Variants in DLGAP1 observed in about 807,000 individuals in gnomAD.
DLGAP1 encodes the protein DLG associated protein 1.
DLGAP1 carries 11 observed loss-of-function variants against 90.8 expected under a neutral mutation model. That is an observed-to-expected ratio of 0.12 (90% CI 0.08 to 0.20). DLGAP1 has a LOEUF of 0.20. Among genes scored for constraint, DLGAP1 ranks in the 10% least tolerant of loss-of-function variants. The probability of loss-of-function intolerance (pLI) is 1.00; values close to 1 mark genes in which losing one functional copy is unlikely to be tolerated. For synonymous variants in DLGAP1, 558 were observed against 540.7 expected, an observed-to-expected ratio of 1.03 and a Z score of -0.44; for missense variants, 1,050 against 1,333.8, an observed-to-expected ratio of 0.79 and a Z score of 3.31.
chr18:3,726,552 T>A (rs1012167266), intron 7 of DLGAP1, among the ~76,000 whole-genome samples: 1 of 152,108 alleles, frequency 6.6e-6, no homozygotes, highest in African/African-American at 2.4e-5. Flanking sequence ...AAAGAATTTT[T>A]AAAGAACAAA....
intron 2 of DLGAP1, among the ~76,000 whole-genome samples, chr18:4,010,728 A>C (rs1449887575): frequency 6.6e-6 from 1 of 152,126 alleles, no homozygotes; most frequent in Admixed American, 6.6e-5. Context: ...CTATTCTCAT[A>C]AGAATGGAGG....
intron 1 of DLGAP1, among the ~76,000 whole-genome samples, chr18:4,351,665 A>G (rs1002677176): frequency 2.0e-5 from 3 of 152,200 alleles, no homozygotes; most frequent in African/African-American, 7.2e-5. Context: ...TCCAACATAG[A>G]TAAATCTGAG....
chr18:3,681,506 G>A (rs578046305), intron 7 of DLGAP1, among the ~76,000 whole-genome samples: 24 of 152,210 alleles, frequency 1.6e-4, no homozygotes, highest in African/African-American at 5.3e-4. Context: ...TGAAATGCTT[G>A]TCTCCTCCAA....
intron 2 of DLGAP1, among the ~76,000 whole-genome samples, chr18:4,087,287 C>G (rs1474880780): frequency 1.3e-5 from 2 of 151,912 alleles, no homozygotes; most frequent in African/African-American, 4.8e-5. Flanking sequence ...AACAAAATCT[C>G]TGCAGCACTG....
intron 9 of DLGAP1, among the ~76,000 whole-genome samples, chr18:3,549,750 A>G (rs1017926141): frequency 2.6e-5 from 4 of 152,110 alleles, no homozygotes; most frequent in African/African-American, 9.7e-5. Context: ...TTTTATGACT[A>G]TATTGTTATG....
At position 4,062,125 on chromosome 18, in the gene DLGAP1, A is replaced by T. The variant is rs565705930; in HGVS notation, c.-158-56924T>A. 9.2e-5 allele frequency among the ~76,000 whole-genome samples: 14 copies of T among 152,314 alleles called. 1 individual carries two copies. The South Asian group carries it at 2.9e-3, about 32-fold the overall frequency. ...TTTTTCAGAAAGTGTATTCTTCTAA[A>T]CAAAATTTGGAGCATATTTCTTTCT... is the stretch of plus-strand genomic sequence containing the variant. On this transcript the variant is annotated intron_variant, in intron 2 of 12. Transcript: ENST00000315677.
intron 1 of DLGAP1, among the ~76,000 whole-genome samples, chr18:4,216,054 C>T (rs2077947451): frequency 6.6e-6 from 1 of 152,142 alleles, no homozygotes; most frequent in Non-Finnish European, 1.5e-5. Flanking sequence ...ATACCCGAGA[C>T]TGGGTAATTT....
intron 1 of DLGAP1, among the ~76,000 whole-genome samples, chr18:4,235,380 G>A (rs564981108): frequency 6.6e-6 from 1 of 152,276 alleles, no homozygotes; most frequent in East Asian, 1.9e-4. Context: ...GTAACTGGGG[G>A]CCAGAGGAGA....
intron 5 of DLGAP1, among the ~76,000 whole-genome samples, chr18:3,790,750 T>C (rs191506385): frequency 3.0e-4 from 46 of 152,260 alleles, no homozygotes; most frequent in African/African-American, 7.5e-4. Context: ...GAAGGACTCA[T>C]GGCTTGTAGG....
At chr18:4,138,564 T>C (rs2076444645) in intron 2 of DLGAP1, among the ~76,000 whole-genome samples, 1 of 152,000 alleles carries the variant, frequency 6.6e-6, no homozygotes, top group African/African-American at 2.4e-5. Context: ...ATTTTTGTAT[T>C]AGTATTTATA....
chr18:4,173,088 T>G (rs1437264631), intron 1 of DLGAP1, among the ~76,000 whole-genome samples: 1 of 152,148 alleles, frequency 6.6e-6, no homozygotes, highest in Non-Finnish European at 1.5e-5. Flanking sequence ...ATCCACATAA[T>G]CAGTACTTGA....
chr18:3,540,993 T>A (rs2052661592), intron 9 of DLGAP1, among the ~76,000 whole-genome samples: 1 of 152,120 alleles, frequency 6.6e-6, no homozygotes, highest in African/African-American at 2.4e-5. Flanking sequence ...GAACCCTGGT[T>A]AGGAGTCTCA....
chr18:4,262,677 A>G (rs2079025463), intron 1 of DLGAP1, among the ~76,000 whole-genome samples: 1 of 152,182 alleles, frequency 6.6e-6, no homozygotes, highest in Non-Finnish European at 1.5e-5. Flanking sequence ...AACACAGCAG[A>G]GTGCCAGTGG....
intron 4 of DLGAP1, among the ~76,000 whole-genome samples, chr18:3,827,942 A>G (rs1474395184): frequency 6.6e-6 from 1 of 152,226 alleles, no homozygotes; most frequent in Middle Eastern, 3.2e-3. Context: ...TTCCTTCTCA[A>G]GTACCTTCTA....
At chr18:3,713,925 T>A (rs540152058) in intron 7 of DLGAP1, among the ~76,000 whole-genome samples, 41 of 152,290 alleles carry the variant, frequency 2.7e-4, no homozygotes, top group African/African-American at 9.1e-4. Context: ...GGCAGCCAAG[T>A]GGGGACACTG....
At chr18:4,072,672 G>A (rs2075467209) in intron 2 of DLGAP1, among the ~76,000 whole-genome samples, 1 of 152,098 alleles carries the variant, frequency 6.6e-6, no homozygotes, top group Non-Finnish European at 1.5e-5. Context: ...GTTTTGCCAT[G>A]TTGGCCACGC....
At chr18:3,663,043 G>A (rs572383412) in intron 7 of DLGAP1, among the ~76,000 whole-genome samples, 1 of 152,094 alleles carries the variant, frequency 6.6e-6, no homozygotes, top group Non-Finnish European at 1.5e-5. Flanking sequence ...AGGCCAAGAT[G>A]GGTGGATATT....
At chr18:3,504,125 A>G (rs1341781876) in intron 11 of DLGAP1, among the ~76,000 whole-genome samples, 1 of 152,146 alleles carries the variant, frequency 6.6e-6, no homozygotes, top group African/African-American at 2.4e-5. Context: ...AGATAGATAG[A>G]TAGATATATT....
intron 2 of DLGAP1, among the ~76,000 whole-genome samples, chr18:4,034,911 T>TG (rs1364862577): frequency 6.9e-6 from 1 of 145,568 alleles, no homozygotes; most frequent in East Asian, 2.0e-4. Flanking sequence ...TACCACCATT[T>TG]GAAAAAAAAA....
Sources: gnomAD v4.1 joint callset for allele counts (sites outside exome capture counted in the v4.1 genomes callset) on GRCh38, gnomAD v4.1.1 for gene constraint, MANE v1.5 for transcripts, NCBI Gene and HGNC (gene_info 2026-07-23, HGNC 2026-07-21) for gene names.